Variants in TPST1 observed in about 807,000 individuals in gnomAD.
TPST1 encodes protein-tyrosine sulfotransferase 1.
Under a neutral mutation model 34.8 loss-of-function variants are expected in TPST1, and 20 were observed. The observed-to-expected ratio is 0.57, with a 90% CI of 0.40 to 0.84. The LOEUF (loss-of-function observed/expected upper bound fraction) is 0.84, where lower values mean the gene tolerates loss of function less well. Ranked by LOEUF, TPST1 falls within the 40% of genes least tolerant of loss-of-function variation. TPST1 has a pLI of 0.00. For synonymous variants in TPST1, 152 were observed against 159.4 expected, an observed-to-expected ratio of 0.95 and a Z score of 0.35; for missense variants, 353 against 455.5, an observed-to-expected ratio of 0.78 and a Z score of 2.05.
chr7:66,270,594 T>C (rs1263197842), intron 2 of TPST1, among the ~76,000 whole-genome samples: 2 of 152,230 alleles, frequency 1.3e-5, no homozygotes, highest in Non-Finnish European at 2.9e-5. Flanking sequence ...TTCCAAGTGA[T>C]CCATTCCTTT....
At chr7:66,351,363 G>A (rs1792475111) in intron 3 of TPST1, among the ~76,000 whole-genome samples, 1 of 152,036 alleles carries the variant, frequency 6.6e-6, no homozygotes, top group Admixed American at 6.6e-5. Context: ...GTTCTGCAAT[G>A]CCACCTTGCC....
intron 3 of TPST1, among the ~76,000 whole-genome samples, chr7:66,344,020 G>A (rs1792292200): frequency 6.6e-6 from 1 of 152,196 alleles, no homozygotes; most frequent in Non-Finnish European, 1.5e-5. Flanking sequence ...AAGGACAATA[G>A]ATAACCTGGG....
At chr7:66,202,763 T>G (rs1228588545), upstream of TPST1, among the ~76,000 whole-genome samples, 1 of 152,122 alleles carries the variant, frequency 6.6e-6, no homozygotes, top group Non-Finnish European at 1.5e-5. Flanking sequence ...GGCAACATAG[T>G]GAGACCCTGT....
At chr7:66,347,059 C>T (rs796761787) in intron 3 of TPST1, among the ~76,000 whole-genome samples, 383 of 59,372 alleles carry the variant, frequency 6.5e-3, no homozygotes, top group South Asian at 0.012. Context: ...CTTTGCTTTT[C>T]TTTTTTTTTT....
intron 1 of TPST1, among the ~76,000 whole-genome samples, chr7:66,215,620 C>T (rs933058269): frequency 1.3e-5 from 2 of 151,698 alleles, no homozygotes; most frequent in Admixed American, 1.3e-4. Context: ...GTGATCCGCC[C>T]GCGTCGGCCT....
chr7:66,207,338 G>A (rs1789150808), intron 1 of TPST1, among the ~76,000 whole-genome samples: 1 of 152,128 alleles, frequency 6.6e-6, no homozygotes, highest in Admixed American at 6.6e-5. Context: ...AAATTGGTGG[G>A]CATCAGCCCT....
At chr7:66,257,444 T>C (rs1790402439) in intron 2 of TPST1, among the ~76,000 whole-genome samples, 1 of 152,212 alleles carries the variant, frequency 6.6e-6, no homozygotes, top group African/African-American at 2.4e-5. Context: ...ATGTTAGAAG[T>C]TCCTTGATTC....
At chr7:66,213,315 A>G (rs147276251) in intron 1 of TPST1, among the ~76,000 whole-genome samples, 71 of 151,962 alleles carry the variant, frequency 4.7e-4, no homozygotes, top group African/African-American at 1.6e-3. Context: ...TACCTGTGTT[A>G]TATTCATTCT....
intron 5 of TPST1, among the ~76,000 whole-genome samples, chr7:66,358,829 C>G (rs1241178666): frequency 6.6e-6 from 1 of 152,232 alleles, no homozygotes; most frequent in African/African-American, 2.4e-5. Flanking sequence ...ACCAAACACA[C>G]ACAAGGCCTC....
At chr7:66,278,580 T>C (rs1790868076) in intron 2 of TPST1, among the ~76,000 whole-genome samples, 1 of 151,978 alleles carries the variant, frequency 6.6e-6, no homozygotes, top group Non-Finnish European at 1.5e-5. Context: ...GTCAGGAGAT[T>C]GAGACCATCC....
chr7:66,349,786 C>T (rs1310547873), intron 3 of TPST1, among the ~76,000 whole-genome samples: 1 of 152,132 alleles, frequency 6.6e-6, no homozygotes, highest in African/African-American at 2.4e-5. Context: ...GAAGGAAAGA[C>T]ACTTGAGAAT....
At chr7:66,207,153 C>T (rs184359538) in intron 1 of TPST1, among the ~76,000 whole-genome samples, 55 of 152,274 alleles carry the variant, frequency 3.6e-4, no homozygotes, top group Admixed American at 3.6e-3. Flanking sequence ...AACTAAACTG[C>T]TGGGTGCTGT....
At chr7:66,219,864 A>G (rs1050807335) in intron 1 of TPST1, among the ~76,000 whole-genome samples, 1 of 152,210 alleles carries the variant, frequency 6.6e-6, no homozygotes, top group African/African-American at 2.4e-5. Context: ...TCTGGGCCTC[A>G]GTTTCCTTAT....
At position 66,347,858 on chromosome 7, in the gene TPST1, T is replaced by C. The variant is rs1019380845; in HGVS notation, c.1045-4647T>C. Among the ~76,000 whole-genome samples the C allele has an allele frequency of 4.6e-5, 7 of 152,226 alleles. No homozygotes were observed. In the East Asian group the frequency reaches 1.2e-3, roughly 25 times the overall value. ...TTCAACTTTCTGAATTTATTAGTTC[T>C]AATAGTTTTTTTGGTGGAGTCTTTT... On this transcript the variant is annotated intron_variant, in intron 3 of 5. Transcript: ENST00000304842.
chr7:66,214,394 G>A (rs1382061591), intron 1 of TPST1, among the ~76,000 whole-genome samples: 2 of 150,628 alleles, frequency 1.3e-5, no homozygotes, highest in South Asian at 4.2e-4. Context: ...TAATTTTAAA[G>A]TATTTATAAG....
intron 2 of TPST1, among the ~76,000 whole-genome samples, chr7:66,283,817 A>G (rs1790980220): frequency 6.6e-6 from 1 of 152,234 alleles, no homozygotes; most frequent in Admixed American, 6.5e-5. Context: ...CTGTCATTTC[A>G]TTTATGATGC....
intron 2 of TPST1, among the ~76,000 whole-genome samples, chr7:66,275,517 A>C (rs1050100035): frequency 6.6e-6 from 1 of 152,266 alleles, no homozygotes. Flanking sequence ...TGCGGCATAC[A>C]TACACAATGG....
At chr7:66,302,551 C>T (rs984539562) in intron 3 of TPST1, among the ~76,000 whole-genome samples, 2 of 152,160 alleles carry the variant, frequency 1.3e-5, no homozygotes, top group African/African-American at 2.4e-5. Flanking sequence ...ATTAATCATA[C>T]CAGTCCACAG....
intron 1 of TPST1, among the ~76,000 whole-genome samples, chr7:66,232,259 A>G (rs906221870): frequency 3.8e-5 from 5 of 132,876 alleles, no homozygotes; most frequent in African/African-American, 1.5e-4. Context: ...GGCTGGAGCT[A>G]TGGTGTGATT....
Sources: allele counts gnomAD v4.1 joint callset (sites outside exome capture counted in the v4.1 genomes callset), GRCh38; gene constraint gnomAD v4.1.1; transcripts MANE v1.5; gene names NCBI Gene and HGNC (gene_info 2026-07-23, HGNC 2026-07-21).